The following MGST1 variants were observed in gnomAD, a reference collection of about 807,000 sequenced individuals.
MGST1 encodes microsomal glutathione S-transferase 1, also known as glutathione S-transferase 12.
In MGST1, 5 loss-of-function variants were observed where a neutral mutation model predicts 8.9. The observed-to-expected ratio is 0.56, with a 90% CI of 0.29 to 1.19. The LOEUF is 1.19. Among genes scored for constraint, MGST1 ranks in the 50% most tolerant of loss-of-function variants. The pLI is 0.08. For missense variants in MGST1, 182 were observed against 187.4 expected (o/e 0.97, Z 0.17); for synonymous variants, 54 against 67.8 (o/e 0.80, Z 1.00).
downstream of MGST1, among the ~76,000 whole-genome samples, chr12:16,368,009 C>T (rs1408999874): frequency 2.1e-5 from 3 of 143,832 alleles, no homozygotes; most frequent in African/African-American, 5.5e-5. Context: ...TCTAACCAAT[C>T]AGGAAGTGAC....
chr12:16,464,908 A>G (rs1180837469), intron 4 of MGST1, among the ~76,000 whole-genome samples: 1 of 152,176 alleles, frequency 6.6e-6, no homozygotes, highest in Admixed American at 6.5e-5. Flanking sequence ...TTCCCATCTG[A>G]CTGCTTTCTA....
chr12:16,384,800 C>T (rs992530260), intron 1 of MGST1, among the ~76,000 whole-genome samples: 2 of 152,200 alleles, frequency 1.3e-5, no homozygotes, highest in Non-Finnish European at 2.9e-5. Flanking sequence ...AGAGAAAACC[C>T]CTAAGTATCT....
intron 4 of MGST1, among the ~76,000 whole-genome samples, chr12:16,508,939 G>A (rs1348026213): frequency 6.6e-6 from 1 of 152,122 alleles, no homozygotes; most frequent in East Asian, 1.9e-4. Flanking sequence ...GGGTATTTTG[G>A]ACTTACAGTA....
rs1941622198 is a variant in MGST1, at chr12:16,517,487, G to T, written n.483-72041G>T. 6.6e-6 allele frequency among the ~76,000 whole-genome samples: 1 copy of T among 152,236 alleles called. No individual in the cohort carries two copies. The highest frequency in any genetic ancestry group is 2.4e-5 in the African/African-American group (1 of 41,542). On this transcript the variant is annotated intron_variant and non_coding_transcript_variant, in intron 4 of 4. Coordinates refer to the MGST1 transcript ENST00000538857. The surrounding 1 kb of genome is among the most constrained non-coding windows in gnomAD (Gnocchi z 4.2). ...GATGAGGATCCTTGATCTTGGACTT[G>T]CCAGCCTCCAAAATCATGAGCCAAA...
At chr12:16,565,629 T>C (rs1942572453) in intron 4 of MGST1, among the ~76,000 whole-genome samples, 2 of 152,128 alleles carry the variant, frequency 1.3e-5, no homozygotes, top group African/African-American at 2.4e-5. Flanking sequence ...TGAACTGTGT[T>C]TCTAATTGTT....
At chr12:16,588,560 A>C (rs1356846970) in intron 4 of MGST1, among the ~76,000 whole-genome samples, 1 of 152,134 alleles carries the variant, frequency 6.6e-6, no homozygotes, top group Admixed American at 6.6e-5. Context: ...TCAGTTACAA[A>C]GGAAATAGAA....
At chr12:16,486,389 CAAAG>C (rs1022633822) in intron 4 of MGST1, among the ~76,000 whole-genome samples, 2 of 151,906 alleles carry the variant, frequency 1.3e-5, no homozygotes, top group African/African-American at 2.4e-5. Flanking sequence ...AATATAAAAA[CAAAG>C]AACAATAATA....
At chr12:16,359,821 A>G (rs753963404) in intron 3 of MGST1, among the ~76,000 whole-genome samples, 2 of 152,206 alleles carry the variant, frequency 1.3e-5, no homozygotes, top group Non-Finnish European at 2.9e-5. Context: ...TAAGACTGAA[A>G]TGAAAATCCA....
intron 4 of MGST1, among the ~76,000 whole-genome samples, chr12:16,552,466 A>C (rs1942025940): frequency 6.6e-6 from 1 of 152,088 alleles, no homozygotes; most frequent in Admixed American, 6.6e-5. Context: ...AATGAGGAGC[A>C]GTTGGACTGA....
chr12:16,588,371 G>T (rs980997930), intron 4 of MGST1, among the ~76,000 whole-genome samples: 1 of 151,800 alleles, frequency 6.6e-6, no homozygotes, highest in East Asian at 1.9e-4. Context: ...CAATTTCCTT[G>T]CCACCTGAGA....
intron 4 of MGST1, among the ~76,000 whole-genome samples, chr12:16,453,779 G>A (rs980927742): frequency 2.6e-5 from 4 of 151,718 alleles, no homozygotes; most frequent in Middle Eastern, 3.4e-3. Flanking sequence ...CTTCATCTTC[G>A]CCTGGCATTT....
intron 4 of MGST1, among the ~76,000 whole-genome samples, chr12:16,475,920 C>T (rs1389371159): frequency 6.6e-6 from 1 of 151,892 alleles, no homozygotes; most frequent in Non-Finnish European, 1.5e-5. Flanking sequence ...CAAACACTAC[C>T]TTCTGGCTGA....
At chr12:16,478,749 AC>A (rs1457156252) in intron 4 of MGST1, among the ~76,000 whole-genome samples, 1 of 152,172 alleles carries the variant, frequency 6.6e-6, no homozygotes, top group East Asian at 1.9e-4. Flanking sequence ...CCTCAAAAAA[AC>A]AAAATAATTA....
intron 1 of MGST1, chr12:16,399,718 C>G (rs1940636638): frequency 8.1e-7 from 1 of 1,228,364 alleles, no homozygotes; most frequent in African/African-American, 1.5e-5. Context: ...GTCTTTATTG[C>G]TTTAGTCCAG....
chr12:16,401,706 A>G lies in MGST1; in HGVS notation n.778+18102A>G. ...AATGATAGGAGGGTAACACATTTCC[A>G]CAGTAGAAGGGTCTGCCCCAGCAAG... On this transcript the variant is annotated intron_variant and non_coding_transcript_variant, in intron 1 of 1. Coordinates refer to the MGST1 transcript ENST00000359720. This position sits in a 1 kb window ranked among gnomAD's most constrained non-coding sequence, Gnocchi z 4.3. The G allele has an allele frequency of 6.2e-7, 1 of 1,603,048 alleles. No individual in the cohort carries two copies. The highest frequency in any genetic ancestry group is 8.5e-7 in the Non-Finnish European group (1 of 1,169,942).
Position 16,363,900 on chromosome 12 carries a change from A to G in MGST1, c.327A>G (p.Leu109=). The change falls in exon 4 of 4, where the codon CTA becomes CTG. Residue 109 remains leucine (L), a synonymous_variant. Coordinates refer to ENST00000396210, the MANE Select transcript of MGST1 (RefSeq NM_020300.5). This position sits in a 1 kb window ranked among gnomAD's most constrained non-coding sequence, Gnocchi z 4.6. ...DPSTAILHFR[L]FVGARIYHTI... Reference sequence around the variant, plus strand: ...CTACAGCCATCCTGCACTTCAGACTATTTGTCGGAGCACGGATCTACCACA... The same window carrying G: ...CTACAGCCATCCTGCACTTCAGACTGTTTGTCGGAGCACGGATCTACCACA... 21 of 1,613,900 alleles carry G rather than the reference A, an allele frequency of 1.3e-5. No individual in the cohort carries two copies. Among genetic ancestry groups the G allele is most frequent in the Non-Finnish European group, 1.8e-5 (21 of 1,179,872 alleles).
chr12:16,400,075 T>A (rs1181799028), intron 1 of MGST1: 2 of 1,580,150 alleles, frequency 1.3e-6, no homozygotes, highest in Non-Finnish European at 1.7e-6. Context: ...CTCTACTTTC[T>A]CCATGAAATT....
chr12:16,460,701 T>C (rs1941212301), intron 4 of MGST1, among the ~76,000 whole-genome samples: 1 of 151,540 alleles, frequency 6.6e-6, no homozygotes, highest in African/African-American at 2.4e-5. Context: ...TCATCAACAA[T>C]GTTAGATCTA....
intron 4 of MGST1, among the ~76,000 whole-genome samples, chr12:16,464,548 T>C (rs1449736585): frequency 1.3e-5 from 2 of 152,232 alleles, no homozygotes; most frequent in Admixed American, 1.3e-4. Context: ...CAACAAGCTA[T>C]TAATTGTTGA....
Sources: gnomAD v4.1 joint callset for allele counts (sites outside exome capture counted in the v4.1 genomes callset) on GRCh38, gnomAD v4.1.1 for gene constraint, Gnocchi (gnomAD v3.1) non-coding constraint, MANE v1.5 for transcripts, NCBI Gene and HGNC (gene_info 2026-07-23, HGNC 2026-07-21) for gene names.